The following TBC1D5 variants were observed in gnomAD, a reference collection of about 807,000 sequenced individuals.
The protein encoded by TBC1D5 is TBC1 domain family member 5, also known as TBC1 domain family, member 5.
Under a neutral mutation model 100.3 loss-of-function variants are expected in TBC1D5, and 75 were observed. The ratio of observed to expected loss-of-function variants is 0.75; its 90% CI spans 0.62 to 0.91. The LOEUF (loss-of-function observed/expected upper bound fraction) is 0.91, where lower values mean the gene tolerates loss of function less well. TBC1D5 is among the 40% of genes least tolerant of loss of function. The pLI is 0.00. For missense variants in TBC1D5, 910 were observed against 942.4 expected, an observed-to-expected ratio of 0.97 and a Z score of 0.45; for synonymous variants, 323 against 325.6, an observed-to-expected ratio of 0.99 and a Z score of 0.09.
At chr3:17,388,043 G>A (rs778427661) in intron 8 of TBC1D5, among the ~76,000 whole-genome samples, 7 of 151,998 alleles carry the variant, frequency 4.6e-5, no homozygotes, top group Non-Finnish European at 8.8e-5. Context: ...AGGTGAGGGC[G>A]AAACTCTAAA....
chr3:17,403,095 A>C, intron 8 of TBC1D5, 86 bp downstream of exon 8: 2 of 1,127,610 alleles, frequency 1.8e-6, no homozygotes, highest in Non-Finnish European at 2.5e-6. Context: ...AATTAAGTTG[A>C]CTGCAGATTT....
At chr3:17,529,550 T>C (rs2096189255) in intron 2 of TBC1D5, among the ~76,000 whole-genome samples, 1 of 152,096 alleles carries the variant, frequency 6.6e-6, no homozygotes. Flanking sequence ...TATATACATA[T>C]ATGTGTATTT....
At chr3:17,672,014 T>C (rs572320309) in intron 1 of TBC1D5, among the ~76,000 whole-genome samples, 2 of 152,348 alleles carry the variant, frequency 1.3e-5, no homozygotes, top group Admixed American at 6.5e-5. Flanking sequence ...ATAAAACTGA[T>C]AGTCTAACAT....
At chr3:17,542,807 T>A (rs2096371778) in intron 2 of TBC1D5, among the ~76,000 whole-genome samples, 1 of 152,198 alleles carries the variant, frequency 6.6e-6, no homozygotes, top group African/African-American at 2.4e-5. Flanking sequence ...CAGGAACAAA[T>A]CCCACTTGGT....
intron 14 of TBC1D5, among the ~76,000 whole-genome samples, chr3:17,305,363 T>C (rs984038279): frequency 1.3e-5 from 2 of 152,204 alleles, no homozygotes; most frequent in Non-Finnish European, 2.9e-5. Context: ...TAGGACCATA[T>C]AATTTTTATG....
Position 17,428,411 on chromosome 3 carries a change from G to GTGTA in TBC1D5, c.167+38_167+39insTACA, listed in dbSNP as rs1553748179. 1.0e-4 allele frequency: 22 copies of GTGTA among 216,706 alleles called. No homozygotes were observed. The East Asian group carries it at 1.6e-3, about 16-fold the overall frequency. 13.4% of individuals were successfully genotyped at this position (216,706 alleles called of 1,614,324 possible). A position where few individuals can be genotyped will look rare whatever the true frequency, so the allele number is the denominator to read the frequency against. On this transcript the variant is annotated intron_variant, in intron 4 of 21. Coordinates refer to ENST00000253692, the Ensembl canonical transcript of TBC1D5. ...TAATATTATATGTGTGTGTGTGTGT[G>GTGTA]TATATATATATATATATATATATGT...
chr3:17,508,270 T>C (rs1452593228), intron 3 of TBC1D5, among the ~76,000 whole-genome samples: 3 of 152,258 alleles, frequency 2.0e-5, no homozygotes, highest in African/African-American at 7.2e-5. Context: ...ATTTGGCTAA[T>C]GCTTCCATGA....
At chr3:17,195,928 T>C (rs1255015592) in intron 18 of TBC1D5, among the ~76,000 whole-genome samples, 1 of 152,166 alleles carries the variant, frequency 6.6e-6, no homozygotes, top group African/African-American at 2.4e-5. Flanking sequence ...ACAATTCCTA[T>C]TAGCTTTTTA....
At position 17,568,703 on chromosome 3, in the gene TBC1D5, C is replaced by G. The variant is rs1023766407; in HGVS notation, c.-36+55146G>C. ...TATTTTATAATTCATTACTATTGTT[C>G]TAGGTTTTTGCTCAAGGATAACATA... On this transcript the variant is annotated intron_variant, in intron 2 of 21. Coordinates refer to ENST00000253692, the Ensembl canonical transcript of TBC1D5. Among the ~76,000 whole-genome samples, 9 of 151,560 alleles carry G rather than the reference C, an allele frequency of 5.9e-5. No homozygotes were observed. The East Asian group carries it at 1.7e-3, about 29-fold the overall frequency.
chr3:17,248,657 G>C (rs2076941269), intron 16 of TBC1D5, among the ~76,000 whole-genome samples: 1 of 152,160 alleles, frequency 6.6e-6, no homozygotes, highest in African/African-American at 2.4e-5. Flanking sequence ...TGGGTGACCA[G>C]GTGCATTGTT....
intron 4 of TBC1D5, among the ~76,000 whole-genome samples, chr3:17,407,422 A>C (rs979530643): frequency 6.6e-6 from 1 of 152,182 alleles, no homozygotes; most frequent in African/African-American, 2.4e-5. Context: ...CCATCATATC[A>C]CAATAAAATT....
rs189770322 is a variant in TBC1D5 at position 17,360,304 on chromosome 3, C to G, written c.995+11771G>C. On this transcript the variant is annotated intron_variant, in intron 13 of 21. Transcript: ENST00000253692. Reference sequence around the variant, plus strand: ...TCCTGTATACTTATGTTCAAAGAACCACAACCACTGTAAAGTCACAGTTTT... The same window carrying G: ...TCCTGTATACTTATGTTCAAAGAACGACAACCACTGTAAAGTCACAGTTTT... Among the ~76,000 whole-genome samples, 126 of 151,926 alleles carry G rather than the reference C, an allele frequency of 8.3e-4. 2 individuals are homozygous for G. In the East Asian group the frequency reaches 0.012, roughly 15 times the overall value.
chr3:17,629,263 T>C (rs943769644), intron 1 of TBC1D5, among the ~76,000 whole-genome samples: 1 of 152,156 alleles, frequency 6.6e-6, no homozygotes, highest in Non-Finnish European at 1.5e-5. Flanking sequence ...TAAATGGTAA[T>C]TTAGCCATTA....
intron 17 of TBC1D5, among the ~76,000 whole-genome samples, chr3:17,214,908 A>C (rs2073441240): frequency 6.6e-6 from 1 of 152,150 alleles, no homozygotes; most frequent in Non-Finnish European, 1.5e-5. Context: ...CTTTGCAGCA[A>C]ATATGCAAGA....
rs2073420604 is a variant in TBC1D5 at position 17,214,745 on chromosome 3, T to C, written c.1589-375A>G. Among the ~76,000 whole-genome samples the C allele has an allele frequency of 2.6e-5, 4 of 152,112 alleles. No homozygotes were observed. In the South Asian group the frequency reaches 8.3e-4, roughly 31 times the overall value. The stretch of plus-strand genomic sequence containing the variant: ...TTACAGAAACCAGAATCTATTATAC[T>C]GCACTTTACATTAGCAAGATTAAAA... On this transcript the variant is annotated intron_variant, in intron 17 of 21. Coordinates refer to ENST00000253692, the Ensembl canonical transcript of TBC1D5.
At chr3:17,406,443 C>T (rs757472728) in exon 5 of TBC1D5, 1 of 1,609,798 alleles carries the variant, frequency 6.2e-7, no homozygotes, top group Non-Finnish European at 8.5e-7. Flanking sequence ...GCGGAACCTG[C>T]TGCTTCTCAG....
At chr3:17,202,963 A>G (rs139819976) in intron 18 of TBC1D5, among the ~76,000 whole-genome samples, 2,089 of 152,348 alleles carry the variant, frequency 0.014, 27 homozygotes, top group Middle Eastern at 0.031. Flanking sequence ...CCGCTGGGGC[A>G]CTGCCTAGTG....
intron 15 of TBC1D5, among the ~76,000 whole-genome samples, chr3:17,279,971 A>G (rs1380503515): frequency 6.6e-6 from 1 of 152,218 alleles, no homozygotes; most frequent in Non-Finnish European, 1.5e-5. Flanking sequence ...ACTGCAATGA[A>G]CATCGACTTC....
chr3:17,459,906 G>A (rs1576116733), intron 3 of TBC1D5, among the ~76,000 whole-genome samples: 1 of 152,300 alleles, frequency 6.6e-6, no homozygotes, highest in East Asian at 1.9e-4. Flanking sequence ...GATAAGGACA[G>A]GATGAAAATA....
Sources: allele counts gnomAD v4.1 joint callset (sites outside exome capture counted in the v4.1 genomes callset), GRCh38; gene constraint gnomAD v4.1.1; transcripts MANE v1.5; gene names NCBI Gene and HGNC (gene_info 2026-07-23, HGNC 2026-07-21).